CRNKL1: variants seen among roughly 807,000 people sequenced by gnomAD.
CRNKL1 encodes crooked neck-like protein 1.
Under a neutral mutation model 103.7 loss-of-function variants are expected in CRNKL1, and 35 were observed. The observed-to-expected ratio is 0.34, with a 90% CI of 0.26 to 0.45. The LOEUF (loss-of-function observed/expected upper bound fraction) is 0.45. Among genes scored for constraint, CRNKL1 ranks in the 20% least tolerant of loss-of-function variants. The pLI, the probability that CRNKL1 is intolerant of heterozygous loss-of-function variation, is 1.00. For missense variants in CRNKL1, 645 were observed against 836.0 expected, an observed-to-expected ratio of 0.77 and a Z score of 2.82; for synonymous variants, 267 against 282.6, an observed-to-expected ratio of 0.94 and a Z score of 0.55.
At chr20:20,037,026 A>G (rs1167187347) in intron 13 of CRNKL1, among the ~76,000 whole-genome samples, 1 of 152,174 alleles carries the variant, frequency 6.6e-6, no homozygotes, top group Admixed American at 6.5e-5. Flanking sequence ...GTTCAGTTCC[A>G]TCTTCCTCCA....
intron 5 of CRNKL1, among the ~76,000 whole-genome samples, chr20:20,047,432 T>C (rs1229791312): frequency 2.0e-5 from 3 of 152,204 alleles, no homozygotes; most frequent in Non-Finnish European, 2.9e-5. Context: ...CATCATTTTA[T>C]ATGAGGGACT....
intron 6 of CRNKL1, among the ~76,000 whole-genome samples, chr20:20,043,898 C>T (rs534147092): frequency 3.3e-4 from 51 of 152,272 alleles, no homozygotes; most frequent in South Asian, 1.0e-3. Context: ...TGGATGTCTA[C>T]TGCACATCTC....
intron 3 of CRNKL1, among the ~76,000 whole-genome samples, 171 bp downstream of exon 3, chr20:20,049,169 C>G (rs997888074): frequency 2.6e-5 from 4 of 151,952 alleles, no homozygotes; most frequent in Non-Finnish European, 5.9e-5. Context: ...CTATTCTACC[C>G]CAGTACTCCT....
In CRNKL1 at chr20:20,039,660, T is replaced by C. The variant is rs1156596848; in HGVS notation, c.1494A>G (p.Ala498=). 6.2e-7 allele frequency: 1 copy of C among 1,614,218 alleles called. No homozygotes were observed. Among genetic ancestry groups the C allele is most frequent in the Non-Finnish European group, 8.5e-7 (1 of 1,180,012 alleles). Residue 498 remains alanine (A), a synonymous_variant, in exon 11 of 14, where the codon GCA becomes GCG. Transcript: ENST00000536226. The stretch of plus-strand genomic sequence containing the variant: ...TGATGGCTAATTCATAGATTGCCCG[T>C]GCTCTGTCAATATCACCAAGGATTG... The part of the protein sequence containing the change: ...LETILGDIDR[A]RAIYELAISQ...
Position 20,039,537 on chromosome 20 carries a change from A to G in CRNKL1, c.1545+72T>C, listed in dbSNP as rs1819471443. The stretch of plus-strand genomic sequence containing the variant: ...TCGTTATACTCTAAAATACACCCAC[A>G]TTTAGATGGTCATCTAAAGTAAGAC... On this transcript the variant is annotated intron_variant, in intron 11 of 13. Coordinates refer to ENST00000536226, the MANE Select transcript of CRNKL1 (RefSeq NM_001278628.2). 2.0e-6 allele frequency: 3 copies of G among 1,527,260 alleles called. No individual in the cohort carries two copies. The Admixed American group carries it at 5.2e-5, about 26-fold the overall frequency. 94.6% of individuals were successfully genotyped at this position (1,527,260 alleles called of 1,614,324 possible). A position where few individuals can be genotyped will look rare whatever the true frequency, so the allele number is the denominator to read the frequency against.
rs905056845 is a variant in CRNKL1, at chr20:20,034,862, A to AATAAG, written c.*1328_*1332dup. ...GAAGTAGCTTTTATTCCCTTGGGTG[A>AATAAG]ATAAGATGTGCACATTTAATAATAA... is the stretch of plus-strand genomic sequence containing the variant. On this transcript the variant is annotated 3_prime_UTR_variant, in exon 14 of 14. Transcript: ENST00000536226. 2.6e-5 allele frequency: 4 copies of AATAAG among 152,212 alleles called. No individual in the cohort carries two copies. Among genetic ancestry groups the AATAAG allele is most frequent in the Non-Finnish European group, 4.4e-5 (3 of 68,032 alleles). 9.4% of individuals were successfully genotyped at this position (152,212 alleles called of 1,614,324 possible).
Position 20,034,750 on chromosome 20 carries a change from CAG to C in CRNKL1, c.*1443_*1444del, listed in dbSNP as rs750205253. On this transcript the variant is annotated 3_prime_UTR_variant, in exon 14 of 14. Transcript: ENST00000536226. ...GTGACTAAAGCAGTCAGGCTGAAAA[CAG>C]ATTTTATCTCAACAACAGTCCTAGT... is the stretch of plus-strand genomic sequence containing the variant. The C allele has an allele frequency of 4.6e-5, 7 of 152,240 alleles. No homozygotes were observed. The highest frequency in any genetic ancestry group is 8.8e-5 in the Non-Finnish European group (6 of 68,048). 9.4% of individuals were successfully genotyped at this position (152,240 alleles called of 1,614,324 possible).
chr20:20,050,005 T>C (rs2043660350), intron 2 of CRNKL1, among the ~76,000 whole-genome samples: 1 of 152,074 alleles, frequency 6.6e-6, no homozygotes, highest in African/African-American at 2.4e-5. Flanking sequence ...TTAGTAGAGA[T>C]GGGGTTTCAC....
At chr20:20,041,863 G>A (rs2273053) in intron 8 of CRNKL1, among the ~76,000 whole-genome samples, 2 of 152,064 alleles carry the variant, frequency 1.3e-5, no homozygotes, top group Admixed American at 6.5e-5. Context: ...GTAGAAAGCC[G>A]TTTTGCCTGA....
intron 6 of CRNKL1, among the ~76,000 whole-genome samples, chr20:20,044,175 T>C (rs561752326): frequency 6.6e-6 from 1 of 152,142 alleles, no homozygotes; most frequent in Non-Finnish European, 1.5e-5. Flanking sequence ...TTCAAAAGTC[T>C]CCCCACTGGT....
Position 20,052,424 on chromosome 20 carries a change from G to C in CRNKL1, c.-82C>G, listed in dbSNP as rs766589968. On this transcript the variant is annotated 5_prime_UTR_variant, in exon 1 of 14. Coordinates refer to ENST00000536226, the MANE Select transcript of CRNKL1 (RefSeq NM_001278628.2). ...TCTGAGAGCTCACCGAAACCACAAA[G>C]CTTTCAGAAAACAAACAGGATCTCG... 2.8e-5 allele frequency: 46 copies of C among 1,614,086 alleles called. 1 individual carries two copies. In the Admixed American group the frequency reaches 7.5e-4, roughly 26 times the overall value.
intron 1 of CRNKL1, 129 bp downstream of exon 1, chr20:20,052,163 C>G (rs572615660): frequency 3.9e-5 from 32 of 820,704 alleles, no homozygotes; most frequent in Non-Finnish European, 4.5e-5. Context: ...ACCAGCTGCC[C>G]TTCCTCTCCA....
Position 20,037,569 on chromosome 20 carries a change from T to C in CRNKL1, c.1650A>G (p.Val550=), listed in dbSNP as rs780848239. The C allele has an allele frequency of 3.1e-6, 5 of 1,610,536 alleles. No individual in the cohort carries two copies. The African/African-American group carries it at 4.0e-5, about 13-fold the overall frequency. ...ACTCAAACTGAGCAAAGCTGATCCA[T>C]ACCTTTAAAAAAAGTTATTATTGAA... ...RLLQRTQHVK[V]WISFAQFELS... is the part of the protein sequence containing the mutation. Residue 550 remains valine (V), a splice_region_variant and synonymous_variant, in exon 13 of 14, where the codon GTA becomes GTG. Coordinates refer to ENST00000536226, the MANE Select transcript of CRNKL1 (RefSeq NM_001278628.2).
chr20:20,035,473 G>C lies in CRNKL1; in HGVS notation c.*722C>G, dbSNP rs2043405215. The C allele has an allele frequency of 6.6e-6, 1 of 152,158 alleles. No homozygotes were observed. The highest frequency in any genetic ancestry group is 6.5e-5 in the Admixed American group (1 of 15,278). The allele number at this position is 152,158 out of a possible 1,614,324, so 9.4% of individuals were successfully genotyped here. ...CTGGAGAACTGATGAGCGCCTAACT[G>C]AAATTATTAGACTAAATTCTTAGTA... is the stretch of plus-strand genomic sequence containing the variant. On this transcript the variant is annotated 3_prime_UTR_variant, in exon 14 of 14. Transcript: ENST00000536226.
At chr20:20,039,086 G>C (rs952835449) in intron 11 of CRNKL1, among the ~76,000 whole-genome samples, 2 of 152,194 alleles carry the variant, frequency 1.3e-5, no homozygotes, top group African/African-American at 4.8e-5. Context: ...TAACAAAACG[G>C]CTGGGTGAGT....
chr20:20,052,588 T>A (rs757058902), upstream of CRNKL1: 1 of 1,613,790 alleles, frequency 6.2e-7, no homozygotes, highest in Non-Finnish European at 8.5e-7. Context: ...GAGCTGCGGA[T>A]GAGGTGGGTA....
Position 20,047,880 on chromosome 20 carries a change from C to T in CRNKL1, c.507G>A (p.Arg169=), listed in dbSNP as rs748786848. ...ACTCCATCCAGCGCTCAAACACCTG[C>T]CGGGCACCGGCAACGTTTCCCAACA... ...EEMLGNVAGA[R]QVFERWMEWQ... is the part of the protein sequence containing the mutation. Residue 169 remains arginine (R), a synonymous_variant, in exon 5 of 14, where the codon CGG becomes CGA. Transcript: ENST00000536226. The T allele has an allele frequency of 3.7e-6, 6 of 1,614,146 alleles. 1 individual carries two copies. The African/African-American group carries it at 4.0e-5, about 11-fold the overall frequency.
At chr20:20,040,856 G>T (rs1156363767) in intron 9 of CRNKL1, 90 bp from the exon 10 acceptor site, 2 of 887,058 alleles carry the variant, frequency 2.3e-6, no homozygotes, top group Non-Finnish European at 3.5e-6. Context: ...CAAAGCCATT[G>T]GTAATTCGAT....
intron 9 of CRNKL1, among the ~76,000 whole-genome samples, 161 bp downstream of exon 9, chr20:20,041,405 G>A (rs995363284): frequency 1.3e-5 from 2 of 152,222 alleles, no homozygotes; most frequent in African/African-American, 4.8e-5. Flanking sequence ...TAGTCTGTGA[G>A]CTGTTTTCAG....
Sources: gnomAD v4.1 joint callset for allele counts (sites outside exome capture counted in the v4.1 genomes callset) on GRCh38, gnomAD v4.1.1 for gene constraint, MANE v1.5 for transcripts, NCBI Gene and HGNC (gene_info 2026-07-23, HGNC 2026-07-21) for gene names.